The following DNAJC5 variants were observed in gnomAD, a reference collection of about 807,000 sequenced individuals.
DNAJC5 encodes the protein DnaJ heat shock protein family (Hsp40) member C5.
A neutral mutation model predicts 23.2 loss-of-function variants in DNAJC5; 1 was observed. The observed-to-expected ratio is 0.04, with a 90% CI of 0.02 to 0.20. The LOEUF (loss-of-function observed/expected upper bound fraction) is 0.20, where lower values mean the gene tolerates loss of function less well. Among genes scored for constraint, DNAJC5 ranks in the 10% least tolerant of loss-of-function variants. DNAJC5 has a pLI of 1.00. For missense variants in DNAJC5, 180 were observed against 267.0 expected (o/e 0.67, Z 2.27); for synonymous variants, 136 against 120.0 (o/e 1.13, Z -0.87).
intron 1 of DNAJC5, among the ~76,000 whole-genome samples, chr20:63,909,875 A>C (rs2053471777): frequency 6.6e-6 from 1 of 152,210 alleles, no homozygotes. Flanking sequence ...AATCCTGCGG[A>C]TTTAGTATTG....
chr20:63,917,620 A>G (rs760283134), intron 1 of DNAJC5, among the ~76,000 whole-genome samples: 2 of 151,774 alleles, frequency 1.3e-5, no homozygotes, highest in African/African-American at 2.4e-5. Context: ...CAGTGGCGCG[A>G]TCTCGGCTCA....
At chr20:63,905,826 C>T (rs2053445268) in intron 1 of DNAJC5, among the ~76,000 whole-genome samples, 1 of 152,012 alleles carries the variant, frequency 6.6e-6, no homozygotes, top group Non-Finnish European at 1.5e-5. Context: ...CCTCCGCCTC[C>T]TGGGTTCAAG....
chr20:63,901,920 C>G (rs527488927), intron 1 of DNAJC5, among the ~76,000 whole-genome samples: 1 of 152,268 alleles, frequency 6.6e-6, no homozygotes, highest in East Asian at 1.9e-4. Flanking sequence ...GCTTGCGGGG[C>G]CTTTTACCAC....
Position 63,922,335 on chromosome 20 carries a change from C to T in DNAJC5, c.-11-6000C>T, listed in dbSNP as rs181602990. Among the ~76,000 whole-genome samples, 1,002 of 151,952 alleles carry T rather than the reference C, an allele frequency of 6.6e-3. 11 individuals are homozygous for T. The highest frequency in any genetic ancestry group is 0.022 in the African/African-American group (898 of 41,426). On this transcript the variant is annotated intron_variant, in intron 1 of 4. Transcript: ENST00000360864. The stretch of plus-strand genomic sequence containing the variant: ...AAAATTAGCTGGGTGTGGTGGCGCG[C>T]GCCTGTAATCCCAGCCACTTGGCAG...
At chr20:63,905,820 C>T (rs969134101) in intron 1 of DNAJC5, among the ~76,000 whole-genome samples, 12 of 151,914 alleles carry the variant, frequency 7.9e-5, no homozygotes, top group South Asian at 2.1e-4. Context: ...CTGCAACCTC[C>T]GCCTCCTGGG....
intron 1 of DNAJC5, among the ~76,000 whole-genome samples, chr20:63,906,520 C>T (rs895199494): frequency 4.6e-5 from 7 of 151,876 alleles, no homozygotes; most frequent in South Asian, 2.1e-4. Flanking sequence ...CACGCTGGCT[C>T]ACGCCTGTAA....
chr20:63,910,102 C>T (rs140185689), intron 1 of DNAJC5, among the ~76,000 whole-genome samples: 108 of 152,292 alleles, frequency 7.1e-4, no homozygotes, highest in African/African-American at 1.9e-3. Flanking sequence ...TCTTCAGACT[C>T]GTTCTGTTCC....
intron 1 of DNAJC5, among the ~76,000 whole-genome samples, chr20:63,895,646 C>T (rs2053369848): frequency 6.6e-6 from 1 of 151,746 alleles, no homozygotes; most frequent in Admixed American, 6.5e-5. Flanking sequence ...CCCCCAGGTC[C>T]CCGCGGCCGC....
At chr20:63,926,605 G>A (rs2053618276) in intron 1 of DNAJC5, among the ~76,000 whole-genome samples, 1 of 152,260 alleles carries the variant, frequency 6.6e-6, no homozygotes, top group South Asian at 2.1e-4. Flanking sequence ...TCTGCCATTT[G>A]CTGAAGATTG....
intron 1 of DNAJC5, among the ~76,000 whole-genome samples, chr20:63,916,005 C>T (rs1284168866): frequency 6.6e-6 from 1 of 151,892 alleles, no homozygotes; most frequent in African/African-American, 2.4e-5. Flanking sequence ...GCGATCTCGG[C>T]TCACTGCAAC....
chr20:63,895,488 C>T (rs959236307), intron 1 of DNAJC5, among the ~76,000 whole-genome samples, 165 bp downstream of exon 1: 2 of 146,630 alleles, frequency 1.4e-5, no homozygotes, highest in African/African-American at 4.9e-5. Context: ...GCTGCGACGC[C>T]GCGGCCTGGG....
At chr20:63,921,829 C>T (rs114155786) in intron 1 of DNAJC5, among the ~76,000 whole-genome samples, 281 of 151,940 alleles carry the variant, frequency 1.8e-3, no homozygotes, top group African/African-American at 6.0e-3. Flanking sequence ...CCCAGGCTGA[C>T]GTCCAGTGGT....
Position 63,895,147 on chromosome 20 carries a change from TCCGCTG to T in DNAJC5, c.-166_-161del, listed in dbSNP as rs563818595. The stretch of plus-strand genomic sequence containing the variant: ...GGGTGCGTGCGTGAGCGTGCTCGTC[TCCGCTG>T]CCGCTGCCGCTGCCGCTGCCGGTGC... On this transcript the variant is annotated 5_prime_UTR_variant, in exon 1 of 5. Coordinates refer to ENST00000360864, the MANE Select transcript of DNAJC5 (RefSeq NM_025219.3). 1.6e-4 allele frequency: 24 copies of T among 154,158 alleles called. No homozygotes were observed. Among genetic ancestry groups the T allele is most frequent in the East Asian group, 3.8e-4 (2 of 5,270 alleles). 9.5% of individuals were successfully genotyped at this position (154,158 alleles called of 1,614,324 possible).
At chr20:63,913,010 C>A (rs899047751) in intron 1 of DNAJC5, among the ~76,000 whole-genome samples, 1 of 150,528 alleles carries the variant, frequency 6.6e-6, no homozygotes, top group Non-Finnish European at 1.5e-5. Flanking sequence ...GTATTTTTAG[C>A]AATTTTTTTT....
At chr20:63,896,988 C>G (rs571023026) in intron 1 of DNAJC5, among the ~76,000 whole-genome samples, 70 of 152,172 alleles carry the variant, frequency 4.6e-4, no homozygotes, top group African/African-American at 1.6e-3. Context: ...TCTCACCTGC[C>G]CAATGAGGAA....
intron 1 of DNAJC5, among the ~76,000 whole-genome samples, chr20:63,909,340 TA>T (rs1184454120): frequency 3.8e-3 from 538 of 141,580 alleles, no homozygotes; most frequent in African/African-American, 7.7e-3. Flanking sequence ...CTACTAAAAA[TA>T]AAAAAAAAAA....
chr20:63,909,371 C>T (rs549577146), intron 1 of DNAJC5, among the ~76,000 whole-genome samples: 32 of 151,434 alleles, frequency 2.1e-4, no homozygotes, highest in Non-Finnish European at 4.3e-4. Context: ...GGCGTGGTGG[C>T]GGGCGCCTGT....
At chr20:63,927,386 A>C (rs1568988099) in intron 1 of DNAJC5, among the ~76,000 whole-genome samples, 1 of 152,160 alleles carries the variant, frequency 6.6e-6, no homozygotes, top group Non-Finnish European at 1.5e-5. Context: ...AAATACCAAA[A>C]TTAGCTGGGT....
intron 1 of DNAJC5, among the ~76,000 whole-genome samples, chr20:63,897,287 G>A (rs2053381748): frequency 1.3e-5 from 2 of 152,068 alleles, no homozygotes; most frequent in South Asian, 4.1e-4. Context: ...CCAGCTACTA[G>A]GGAGGCTGAG....
Sources: allele counts gnomAD v4.1 joint callset (sites outside exome capture counted in the v4.1 genomes callset), GRCh38; gene constraint gnomAD v4.1.1; transcripts MANE v1.5; gene names NCBI Gene and HGNC (gene_info 2026-07-23, HGNC 2026-07-21).